Variants in LSG1 observed in about 807,000 individuals in gnomAD.
LSG1 encodes large subunit GTPase 1 homolog.
A neutral mutation model predicts 82.6 loss-of-function variants in LSG1; 55 were observed. That is an observed-to-expected ratio of 0.67 (90% CI 0.54 to 0.83). LSG1 has a LOEUF of 0.83. LSG1 is among the 40% of genes least tolerant of loss of function. The pLI is 0.00. For synonymous variants in LSG1, 272 were observed against 282.5 expected (o/e 0.96, Z 0.37); for missense variants, 809 against 807.9 (o/e 1.00, Z -0.02).
rs368714895 is a variant in LSG1, at chr3:194,644,100, C to T, written c.1797+473G>A. Among the ~76,000 whole-genome samples the T allele has an allele frequency of 1.6e-3, 249 of 152,206 alleles. 2 individuals carry two copies. The highest frequency in any genetic ancestry group is 5.5e-3 in the African/African-American group (229 of 41,524). ...GGTTTCGGCCGGGCGCGGTGGCTCACGCCTGTAATCCCAGCACTTTGGGAG... is the reference window on the plus strand; with the variant it reads ...GGTTTCGGCCGGGCGCGGTGGCTCATGCCTGTAATCCCAGCACTTTGGGAG... On this transcript the variant is annotated intron_variant, in intron 13 of 13. Coordinates refer to ENST00000265245, the MANE Select transcript of LSG1 (RefSeq NM_018385.3).
At position 194,644,381 on chromosome 3, in the gene LSG1, T is replaced by TA. The variant is rs1193316958; in HGVS notation, c.1797+191dup. On this transcript the variant is annotated intron_variant, in intron 13 of 13. Coordinates refer to ENST00000265245, the MANE Select transcript of LSG1 (RefSeq NM_018385.3). ...GAGACTCCGTCTCAAAAAAAAAAAA[T>TA]AAAAATAAATAAATAAATAAATAAA... is the stretch of plus-strand genomic sequence containing the variant. 2.2e-3 allele frequency among the ~76,000 whole-genome samples: 174 copies of TA among 79,946 alleles called. 6 individuals are homozygous for TA. The highest frequency in any genetic ancestry group is 7.8e-3 in the African/African-American group (170 of 21,912). 52.4% of individuals were successfully genotyped at this position (79,946 alleles called of 152,430 possible).
intron 4 of LSG1, among the ~76,000 whole-genome samples, 187 bp from the exon 5 acceptor site, chr3:194,665,830 T>C (rs1052472717): frequency 1.3e-5 from 2 of 152,200 alleles, no homozygotes; most frequent in African/African-American, 4.8e-5. Context: ...CTCCACCAAA[T>C]TCAAATTTTA....
At chr3:194,645,603 C>G (rs977757198) in intron 12 of LSG1, among the ~76,000 whole-genome samples, 29 of 130,496 alleles carry the variant, frequency 2.2e-4, no homozygotes, top group African/African-American at 6.1e-4. Flanking sequence ...CACACACACA[C>G]ACACACACAC....
Position 194,672,123 on chromosome 3 carries a change from G to T in LSG1, c.40C>A (p.Arg14=). Residue 14 remains arginine (R), a synonymous_variant, in exon 1 of 14, where the codon CGG becomes AGG. Coordinates refer to ENST00000265245, the MANE Select transcript of LSG1 (RefSeq NM_018385.3). ...RRAPAGGSLG[R]ALMRHQTQRS... ...TGAGTCTGATGGCGCATAAGGGCCC[G>T]TCCCAGCGACCCACCGGCCGGGGCT... 1 of 1,607,686 alleles carries T rather than the reference G, an allele frequency of 6.2e-7. No individual in the cohort carries two copies. Among genetic ancestry groups the T allele is most frequent in the Non-Finnish European group, 8.5e-7 (1 of 1,179,960 alleles).
chr3:194,658,848 C>G, intron 7 of LSG1, 109 bp downstream of exon 7: 2 of 1,140,152 alleles, frequency 1.8e-6, no homozygotes, highest in Non-Finnish European at 1.3e-6. Flanking sequence ...AGGAAAAACT[C>G]TAATTCCCAC....
In LSG1 at chr3:194,659,110, A is replaced by T. The variant is rs115788919; in HGVS notation, c.606T>A (p.Asp202Glu). 692 of 1,613,296 alleles carry T rather than the reference A, an allele frequency of 4.3e-4. 3 individuals are homozygous for T. In the African/African-American group the frequency reaches 8.0e-3, roughly 19 times the overall value. Residue 202 changes from aspartate (D) to glutamate (E), a missense_variant, in exon 7 of 14, where the codon GAT (aspartate) becomes GAA (glutamate). By Grantham distance (45) the Asp-to-Glu change is conservative (BLOSUM62 2). Coordinates refer to ENST00000265245, the MANE Select transcript of LSG1 (RefSeq NM_018385.3). Reference protein sequence around the residue: ...EDLECYVKEMDANKENVILIN... With the variant: ...EDLECYVKEMEANKENVILIN... ...TCAGAATGACGTTCTCCTTATTGGC[A>T]TCCATTTCTTTCACATAACATTCCT...
chr3:194,669,959 C>T (rs759996698), intron 2 of LSG1, 50 bp downstream of exon 2: 6 of 1,577,442 alleles, frequency 3.8e-6, no homozygotes, highest in Middle Eastern at 3.4e-4. Context: ...AACCTCAGCC[C>T]CAGATGGAAA....
At chr3:194,644,867 T>G in intron 12 of LSG1, 121 bp from the exon 13 acceptor site, 1 of 725,496 alleles carries the variant, frequency 1.4e-6, no homozygotes, top group South Asian at 3.8e-5. Flanking sequence ...GTTAGCTGAG[T>G]TGAGTTTTGG....
chr3:194,646,628 C>A (rs1718560070), intron 11 of LSG1, among the ~76,000 whole-genome samples: 1 of 152,216 alleles, frequency 6.6e-6, no homozygotes, highest in Non-Finnish European at 1.5e-5. Context: ...TCAAGCAATT[C>A]TGATGCCTCA....
At chr3:194,645,575 GACACACACACACACACACACACACACAC>G (rs57272537) in intron 12 of LSG1, among the ~76,000 whole-genome samples, 6 of 20,094 alleles carry the variant, frequency 3.0e-4, no homozygotes, top group Admixed American at 1.1e-3. Context: ...CACACAGACA[GACACACACACACACACACACACACACAC>G]ACACACACAC....
intron 13 of LSG1, among the ~76,000 whole-genome samples, 190 bp downstream of exon 13, chr3:194,644,381 TAA>T (rs1193316958): frequency 0.02 from 1,582 of 79,974 alleles, 92 homozygotes; most frequent in African/African-American, 0.066. Flanking sequence ...AAAAAAAAAA[TAA>T]AAATAAATAA....
At position 194,644,373 on chromosome 3, in the gene LSG1, AAAAAAAAT is replaced by A. The variant is rs1194792885; in HGVS notation, c.1797+192_1797+199del. Among the ~76,000 whole-genome samples the A allele has an allele frequency of 4.6e-4, 58 of 125,256 alleles. 3 individuals carry two copies. Among genetic ancestry groups the A allele is most frequent in the African/African-American group, 1.5e-3 (47 of 31,966 alleles). The allele number at this position is 125,256 out of a possible 152,430, so 82.2% of individuals were successfully genotyped here. ...GACAGAGCGAGACTCCGTCTCAAAA[AAAAAAAAT>A]AAAAATAAATAAATAAATAAATAAA... is the stretch of plus-strand genomic sequence containing the variant. On this transcript the variant is annotated intron_variant, in intron 13 of 13. Coordinates refer to ENST00000265245, the MANE Select transcript of LSG1 (RefSeq NM_018385.3).
chr3:194,664,358 CA>C (rs1419084698), intron 5 of LSG1, among the ~76,000 whole-genome samples: 2 of 151,936 alleles, frequency 1.3e-5, no homozygotes, highest in Non-Finnish European at 2.9e-5. Flanking sequence ...TTATAGATTT[CA>C]AAGGAAAAAA....
At chr3:194,670,212 C>T in intron 1 of LSG1, 77 bp from the exon 2 acceptor site, 2 of 1,518,136 alleles carry the variant, frequency 1.3e-6, no homozygotes, top group Non-Finnish European at 1.8e-6. Flanking sequence ...AAATTCCTTG[C>T]AACTAGTCTA....
chr3:194,644,631 C>A lies in LSG1; in HGVS notation c.1739G>T (p.Gly580Val). 1.2e-6 allele frequency: 2 copies of A among 1,612,932 alleles called. No homozygotes were observed. The highest frequency in any genetic ancestry group is 1.7e-6 in the Non-Finnish European group (2 of 1,179,448). ...MNSDEIKMQL[G>V]RNKKAKQIEN... ...AATCTGCTTTGCTTTTTTATTTCTGCCTAGCTGCATTTTTATTTCATCACT... is the reference window on the plus strand; with the variant it reads ...AATCTGCTTTGCTTTTTTATTTCTGACTAGCTGCATTTTTATTTCATCACT... Residue 580 changes from glycine to valine, a missense_variant, in exon 13 of 14, where the codon GGC becomes GTC. Gly to Val is a moderately radical substitution (Grantham distance 109). Coordinates refer to ENST00000265245, the MANE Select transcript of LSG1 (RefSeq NM_018385.3).
Position 194,642,205 on chromosome 3 carries a change from C to A in LSG1, c.1840G>T (p.Gly614Cys). Residue 614 changes from glycine (G) to cysteine (C), a missense_variant, in exon 14 of 14, where the codon GGT becomes TGT. Coordinates refer to ENST00000265245, the MANE Select transcript of LSG1 (RefSeq NM_018385.3). Reference protein sequence around the residue: ...ALTKGVQAVMGYKPGSGVVTA... With the variant: ...ALTKGVQAVMCYKPGSGVVTA... ...ACTACACCACTCCCGGGCTTGTAAC[C>A]CATCACAGCCTGGACTCCTTTGGTC... 6.2e-7 allele frequency: 1 copy of A among 1,614,112 alleles called. No homozygotes were observed. The highest frequency in any genetic ancestry group is 8.5e-7 in the Non-Finnish European group (1 of 1,180,024).
intron 10 of LSG1, chr3:194,649,131 T>G: frequency 4.0e-6 from 1 of 251,562 alleles, no homozygotes; most frequent in Non-Finnish European, 7.6e-6. Flanking sequence ...GCAAGGGGAG[T>G]CTCTGTTTCT....
At chr3:194,667,995 C>T (rs533193236) in intron 2 of LSG1, among the ~76,000 whole-genome samples, 134 of 133,910 alleles carry the variant, frequency 1.0e-3, no homozygotes, top group African/African-American at 3.4e-3. Context: ...GATTCACATA[C>T]TATACAATCC....
At position 194,642,198 on chromosome 3, in the gene LSG1, T is replaced by C. The variant is rs1718411692; in HGVS notation, c.1847A>G (p.Lys616Arg). Residue 616 changes from lysine (K) to arginine (R), a missense_variant, in exon 14 of 14, where the codon AAG becomes AGG. By Grantham distance (26) the Lys-to-Arg change is conservative (BLOSUM62 2). Transcript: ENST00000265245. ...TKGVQAVMGY[K>R]PGSGVVTAST... ...TGCAGTCACTACACCACTCCCGGGC[T>C]TGTAACCCATCACAGCCTGGACTCC... is the stretch of plus-strand genomic sequence containing the variant. 6.2e-7 allele frequency: 1 copy of C among 1,614,018 alleles called. No individual in the cohort carries two copies. Among genetic ancestry groups the C allele is most frequent in the Non-Finnish European group, 8.5e-7 (1 of 1,180,028 alleles).
Sources: allele counts gnomAD v4.1 joint callset (sites outside exome capture counted in the v4.1 genomes callset), GRCh38; gene constraint gnomAD v4.1.1; transcripts MANE v1.5; gene names NCBI Gene and HGNC (gene_info 2026-07-23, HGNC 2026-07-21).